Variants in EVC2 observed in about 807,000 individuals in gnomAD.
EVC2 encodes limbin.
Under a neutral mutation model 149.3 loss-of-function variants are expected in EVC2, and 148 were observed. The observed-to-expected ratio is 0.99, with a 90% CI of 0.87 to 1.14. The LOEUF (loss-of-function observed/expected upper bound fraction) is 1.14, where lower values mean the gene tolerates loss of function less well. EVC2 is among the 50% of genes most tolerant of loss of function. The pLI is 0.00. For synonymous variants in EVC2, 776 were observed against 649.9 expected (o/e 1.19, Z -2.95); for missense variants, 1,854 against 1,627.3 (o/e 1.14, Z -2.40).
chr4:5,598,268 C>T (rs1713639943), intron 16 of EVC2, among the ~76,000 whole-genome samples: 1 of 151,890 alleles, frequency 6.6e-6, no homozygotes, highest in African/African-American at 2.4e-5. Context: ...CAAGTCAATC[C>T]TAAGCCAAAA....
intron 21 of EVC2, among the ~76,000 whole-genome samples, chr4:5,546,861 TG>T (rs1721632438): frequency 6.6e-6 from 1 of 152,092 alleles, no homozygotes; most frequent in African/African-American, 2.4e-5. Context: ...TCCATGGAGC[TG>T]GTGGGAGCCA....
intron 1 of EVC2, among the ~76,000 whole-genome samples, chr4:5,706,449 C>CATAGATAG (rs1560243887): frequency 1.4e-4 from 5 of 35,970 alleles, no homozygotes; most frequent in African/African-American, 5.4e-4. Context: ...TAGATAGATA[C>CATAGATAG]ATACATACAT....
intron 15 of EVC2, among the ~76,000 whole-genome samples, chr4:5,616,951 T>C (rs1028907515): frequency 2.0e-5 from 3 of 152,236 alleles, no homozygotes; most frequent in Non-Finnish European, 4.4e-5. Flanking sequence ...CAGCGGCTTA[T>C]GGACTCCCTC....
intron 16 of EVC2, among the ~76,000 whole-genome samples, chr4:5,592,532 T>G (rs1712904466): frequency 1.3e-5 from 2 of 152,196 alleles, no homozygotes; most frequent in Admixed American, 1.3e-4. Context: ...GTTAACTGCC[T>G]CTTTAAAATA....
intron 5 of EVC2, among the ~76,000 whole-genome samples, chr4:5,688,828 T>C (rs1720902809): frequency 6.6e-6 from 1 of 152,254 alleles, no homozygotes; most frequent in Non-Finnish European, 1.5e-5. Flanking sequence ...ACAGGTATAC[T>C]GGGGTCCACT....
chr4:5,581,316 G>A (rs1711756261), intron 17 of EVC2, among the ~76,000 whole-genome samples: 1 of 152,198 alleles, frequency 6.6e-6, no homozygotes, highest in Non-Finnish European at 1.5e-5. Context: ...ACACAAAGAT[G>A]AGGGAAAGTT....
chr4:5,605,864 A>G (rs1359586140), intron 16 of EVC2, among the ~76,000 whole-genome samples: 7 of 152,132 alleles, frequency 4.6e-5, no homozygotes, highest in Non-Finnish European at 1.0e-4. Context: ...AGCAACTTTG[A>G]CATCTCCCCC....
At chr4:5,627,324 C>T (rs1577177412) in intron 12 of EVC2, among the ~76,000 whole-genome samples, 1 of 152,218 alleles carries the variant, frequency 6.6e-6, no homozygotes, top group East Asian at 1.9e-4. Flanking sequence ...CTGGTGACTG[C>T]TCACAACCAG....
At position 5,622,759 on chromosome 4, in the gene EVC2, G is replaced by C; in HGVS notation, c.2279C>G (p.Thr760Ser). 6.2e-7 allele frequency: 1 copy of C among 1,614,072 alleles called. No individual in the cohort carries two copies. ...CACCCCACGCTTGAGCAGCTCCTGGGTCATGGCTGAGTTCTGCAGGCGCCG... is the reference window on the plus strand; with the variant it reads ...CACCCCACGCTTGAGCAGCTCCTGGCTCATGGCTGAGTTCTGCAGGCGCCG... ...ELRRLQNSAM[T>S]QELLKRGVPW... The change falls in exon 14 of 22, where the codon ACC (threonine) becomes AGC (serine). Residue 760 changes from threonine (T) to serine (S), a missense_variant. Coordinates refer to ENST00000344408, the MANE Select transcript of EVC2 (RefSeq NM_147127.5). The surrounding 1 kb of genome is among the most constrained non-coding windows in gnomAD (Gnocchi z 5.8).
chr4:5,587,629 A>C (rs1347302303), intron 16 of EVC2, among the ~76,000 whole-genome samples: 4 of 152,182 alleles, frequency 2.6e-5, no homozygotes, highest in Admixed American at 1.3e-4. Flanking sequence ...TTAAAGAAGG[A>C]AGGGGTTTAT....
intron 6 of EVC2, among the ~76,000 whole-genome samples, chr4:5,683,831 C>G (rs143795523): frequency 3.9e-4 from 48 of 123,058 alleles, no homozygotes; most frequent in South Asian, 1.7e-3. Context: ...CACACAGCTG[C>G]CCAGGAACAC....
intron 1 of EVC2, among the ~76,000 whole-genome samples, chr4:5,703,277 T>G (rs1282784135): frequency 6.6e-6 from 1 of 152,218 alleles, no homozygotes; most frequent in Non-Finnish European, 1.5e-5. Context: ...TTGTTACTGT[T>G]CTTATCATCA....
At chr4:5,626,499 A>T (rs1716127982) in intron 12 of EVC2, among the ~76,000 whole-genome samples, 1 of 151,518 alleles carries the variant, frequency 6.6e-6, no homozygotes, top group African/African-American at 2.4e-5. Context: ...ACGCCAGCTA[A>T]TTTTTTTTGT....
intron 1 of EVC2, among the ~76,000 whole-genome samples, chr4:5,702,953 G>T (rs1248875206): frequency 6.6e-6 from 1 of 152,092 alleles, no homozygotes; most frequent in Non-Finnish European, 1.5e-5. Flanking sequence ...TAGTAACAGA[G>T]TATTTACCAA....
At position 5,614,107 on chromosome 4, in the gene EVC2, GCAGA is replaced by G. The variant is rs1715052911; in HGVS notation, c.2829+1311_2829+1314del. 6.6e-6 allele frequency among the ~76,000 whole-genome samples: 1 copy of G among 152,146 alleles called. No individual in the cohort carries two copies. Among genetic ancestry groups the G allele is most frequent in the African/African-American group, 2.4e-5 (1 of 41,424 alleles). ...CACCCTTTGCAGGGTGCTGGGGAAG[GCAGA>G]CAGACACTCAGGCTGCGGTCACACA... On this transcript the variant is annotated intron_variant, in intron 16 of 21. Coordinates refer to ENST00000344408, the MANE Select transcript of EVC2 (RefSeq NM_147127.5). This position sits in a 1 kb window ranked among gnomAD's most constrained non-coding sequence, Gnocchi z 4.7.
chr4:5,562,771 T>A lies in EVC2; in HGVS notation c.*77A>T, dbSNP rs1722030698. 1 of 1,605,136 alleles carries A rather than the reference T, an allele frequency of 6.2e-7. No homozygotes were observed. The highest frequency in any genetic ancestry group is 8.5e-7 in the Non-Finnish European group (1 of 1,179,872). ...ATTTATATTTGCGAGTTGTGCATTATAAACACACAAACACCGGCGGGCAGG... is the reference window on the plus strand; with the variant it reads ...ATTTATATTTGCGAGTTGTGCATTAAAAACACACAAACACCGGCGGGCAGG... On this transcript the variant is annotated 3_prime_UTR_variant, in exon 22 of 22. Coordinates refer to ENST00000344408, the MANE Select transcript of EVC2 (RefSeq NM_147127.5). This position sits in a 1 kb window ranked among gnomAD's most constrained non-coding sequence, Gnocchi z 4.3.
chr4:5,698,677 A>G (rs1341540876), intron 1 of EVC2, among the ~76,000 whole-genome samples: 1 of 152,218 alleles, frequency 6.6e-6, no homozygotes, highest in East Asian at 1.9e-4. Flanking sequence ...AGTAGTCCCT[A>G]TAGAAATGCA....
At chr4:5,535,597 T>TAGAAAG in the EVC2 span, among the ~76,000 whole-genome samples, 1 of 86,014 alleles carries the variant, frequency 1.2e-5, no homozygotes, top group African/African-American at 5.3e-5. The surrounding 1 kb of genome is among the most constrained non-coding windows in gnomAD (Gnocchi z 4.7). Flanking sequence ...TGTGCATGCT[T>TAGAAAG]AGAAAGAGAG....
Position 5,665,643 on chromosome 4 carries a change from G to C in EVC2, c.877C>G (p.Pro293Ala). 6.2e-7 allele frequency: 1 copy of C among 1,614,110 alleles called. No homozygotes were observed. The highest frequency in any genetic ancestry group is 8.5e-7 in the Non-Finnish European group (1 of 1,180,008). ...ITAEENVTVL[P>A]HHGLHAAGFF... Reference sequence around the variant, plus strand: ...CCTGCTGCGTGGAGGCCGTGGTGCGGCAGAACCTGTGGAGACAAGAGGAGA... The same window carrying C: ...CCTGCTGCGTGGAGGCCGTGGTGCGCCAGAACCTGTGGAGACAAGAGGAGA... Residue 293 changes from proline (P) to alanine (A), a missense_variant, in exon 8 of 22, where the codon CCG becomes GCG. Coordinates refer to ENST00000344408, the MANE Select transcript of EVC2 (RefSeq NM_147127.5).
Sources: allele counts gnomAD v4.1 joint callset (sites outside exome capture counted in the v4.1 genomes callset), GRCh38; gene constraint gnomAD v4.1.1; non-coding constraint Gnocchi (gnomAD v3.1); transcripts MANE v1.5; gene names NCBI Gene and HGNC (gene_info 2026-07-23, HGNC 2026-07-21).